RTL1: variants seen among roughly 807,000 people sequenced by gnomAD.
RTL1 encodes the protein retrotransposon Gag like 1.
For synonymous variants in RTL1, 727 were observed against 748.4 expected (o/e 0.97, Z 0.47); for missense variants, 1,681 against 1,767.5 (o/e 0.95, Z 0.88).
chr14:100,900,243 C>T (rs1040723425), intron 2 of RTL1, among the ~76,000 whole-genome samples: 15 of 152,218 alleles, frequency 9.9e-5, no homozygotes, highest in Admixed American at 5.2e-4. Context: ...TCTGGCCAAA[C>T]CTGACTTCTC....
intron 2 of RTL1, among the ~76,000 whole-genome samples, chr14:100,900,230 AC>A (rs917537879): frequency 6.6e-6 from 1 of 152,168 alleles, no homozygotes; most frequent in African/African-American, 2.4e-5. Flanking sequence ...TCCTGGAAAA[AC>A]TTCTGGCCAA....
At chr14:100,886,211 C>A (rs2038695694) in intron 3 of RTL1, among the ~76,000 whole-genome samples, 2 of 146,402 alleles carry the variant, frequency 1.4e-5, no homozygotes, top group South Asian at 4.2e-4. Flanking sequence ...CTGGACCCAT[C>A]CGTAAAAAAA....
chr14:100,897,771 T>TGGGGGGG (rs1566760912), intron 2 of RTL1: 2 of 23,144 alleles, frequency 8.6e-5, no homozygotes, highest in Non-Finnish European at 1.7e-4. Context: ...GGTGGGGGGG[T>TGGGGGGG]GGGGGGCGGG....
Position 100,881,021 on chromosome 14 carries a change from C to T in RTL1, c.3768G>A (p.Ser1256=), listed in dbSNP as rs769592859. 44 of 1,592,172 alleles carry T rather than the reference C, an allele frequency of 2.8e-5. No homozygotes were observed. Among genetic ancestry groups the T allele is most frequent in the Middle Eastern group, 3.3e-4 (2 of 6,036 alleles). The change falls in exon 4 of 4, where the codon TCG becomes TCA. Residue 1256 remains serine (S), a synonymous_variant. Coordinates refer to ENST00000649591, the MANE Select transcript of RTL1 (RefSeq NM_001134888.3). The surrounding 1 kb of genome is among the most constrained non-coding windows in gnomAD (Gnocchi z 6.6). Reference sequence around the variant, plus strand: ...GCACGTCGTTGTCCTGCTTGTCCTGCGAGGTGTCTTGCAGGCCGTCATGCA... The same window carrying T: ...GCACGTCGTTGTCCTGCTTGTCCTGTGAGGTGTCTTGCAGGCCGTCATGCA... ...CGLHDGLQDT[S]QDKQDNDVQE... is the part of the protein sequence containing the mutation.
In RTL1 at chr14:100,881,373, G is replaced by A. The variant is rs769801673; in HGVS notation, c.3416C>T (p.Thr1139Met). 24 of 1,550,536 alleles carry A rather than the reference G, an allele frequency of 1.5e-5. No individual in the cohort carries two copies. Among genetic ancestry groups the A allele is most frequent in the South Asian group, 8.3e-5 (7 of 84,068 alleles). The part of the protein sequence containing the change: ...DSSLIAGSSI[T>M]TAITQLLTQM... ...GGTGAGCAGCTGGGTGATGGCTGTC[G>A]TGATGCTGCTGCCTGCGATGAGGGA... Residue 1139 changes from threonine (T) to methionine (M), a missense_variant, in exon 4 of 4, where the codon ACG (threonine) becomes ATG (methionine). Coordinates refer to ENST00000649591, the MANE Select transcript of RTL1 (RefSeq NM_001134888.3). This position sits in a 1 kb window ranked among gnomAD's most constrained non-coding sequence, Gnocchi z 6.6.
Position 100,882,152 on chromosome 14 carries a change from G to A in RTL1, c.2637C>T (p.Thr879=), listed in dbSNP as rs547892982. ...PKPQNPFYLE[T]GVTGTALHAS... ...CGTGCAGGGCCGTGCCGGTGACGCCGGTTTCCAAGTAGAATGGGTTCTGGG... is the reference window on the plus strand; with the variant it reads ...CGTGCAGGGCCGTGCCGGTGACGCCAGTTTCCAAGTAGAATGGGTTCTGGG... Residue 879 remains threonine (T), a synonymous_variant, in exon 4 of 4, where the codon ACC becomes ACT. Coordinates refer to ENST00000649591, the MANE Select transcript of RTL1 (RefSeq NM_001134888.3). The A allele has an allele frequency of 1.2e-4, 184 of 1,550,956 alleles. No individual in the cohort carries two copies. The highest frequency in any genetic ancestry group is 1.2e-3 in the Middle Eastern group (7 of 5,992).
Position 100,881,654 on chromosome 14 carries a change from G to A in RTL1, c.3135C>T (p.Ile1045=). The A allele has an allele frequency of 6.4e-7, 1 of 1,552,444 alleles. No individual in the cohort carries two copies. The highest frequency in any genetic ancestry group is 8.7e-7 in the Non-Finnish European group (1 of 1,147,318). Reference sequence around the variant, plus strand: ...TCATGGCCAGCAGCTCTTGCCGTAGGATCTGTTCATTGAGCTCATCCTGTT... The same window carrying A: ...TCATGGCCAGCAGCTCTTGCCGTAGAATCTGTTCATTGAGCTCATCCTGTT... ...NEEQDELNEQ[I]LRQELLAMIP... The change falls in exon 4 of 4, where the codon ATC becomes ATT. Residue 1045 remains isoleucine (I), a synonymous_variant. Transcript: ENST00000649591. The surrounding 1 kb of genome is among the most constrained non-coding windows in gnomAD (Gnocchi z 6.6).
At chr14:100,898,255 C>T (rs566957061) in intron 2 of RTL1, among the ~76,000 whole-genome samples, 7 of 152,226 alleles carry the variant, frequency 4.6e-5, no homozygotes, top group Admixed American at 1.3e-4. Context: ...TGTCACAAAT[C>T]GAGGTTTTAA....
Position 100,881,065 on chromosome 14 carries a change from G to T in RTL1, c.3724C>A (p.Arg1242Ser), listed in dbSNP as rs765417912. ...TCATGCAGGCCACACTGACGGTAACGTTGCAGGTCGTCTTGCAGGGCTTCT... is the reference window on the plus strand; with the variant it reads ...TCATGCAGGCCACACTGACGGTAACTTTGCAGGTCGTCTTGCAGGGCTTCT... ...LREALQDDLQ[R>S]YRQCGLHDGL... The change falls in exon 4 of 4, where the codon CGT becomes AGT. Residue 1242 changes from arginine to serine, a missense_variant. Physicochemically the swap from Arg to Ser is moderately radical, Grantham distance 110 (BLOSUM62 -1). Transcript: ENST00000649591. The surrounding 1 kb of genome is among the most constrained non-coding windows in gnomAD (Gnocchi z 6.6). 6.2e-6 allele frequency: 10 copies of T among 1,602,994 alleles called. No individual in the cohort carries two copies. The highest frequency in any genetic ancestry group is 8.5e-6 in the Non-Finnish European group (10 of 1,174,962).
Position 100,884,332 on chromosome 14 carries a change from G to T in RTL1, c.457C>A (p.Gln153Lys). The change falls in exon 4 of 4, where the codon CAA becomes AAA. Residue 153 changes from glutamine (Q) to lysine (K), a missense_variant. Coordinates refer to ENST00000649591, the MANE Select transcript of RTL1 (RefSeq NM_001134888.3). ...ESGREETPQE[Q>K]NQTEHSTAEL... is the part of the protein sequence containing the mutation. ...GCGGTTGAGTGCTCGGTCTGGTTTT[G>T]CTCTTGAGGAGTCTCCTCCCTTCCC... 6 of 1,463,274 alleles carry T rather than the reference G, an allele frequency of 4.1e-6. No individual in the cohort carries two copies. The highest frequency in any genetic ancestry group is 5.6e-6 in the Non-Finnish European group (6 of 1,068,478). The allele number at this position is 1,463,274 out of a possible 1,614,324, so 90.6% of individuals were successfully genotyped here. A position where few individuals can be genotyped will look rare whatever the true frequency, so the allele number is the denominator to read the frequency against.
At chr14:100,894,341 A>G (rs1595342629) in intron 2 of RTL1, among the ~76,000 whole-genome samples, 1 of 150,462 alleles carries the variant, frequency 6.6e-6, no homozygotes, top group Non-Finnish European at 1.5e-5. Flanking sequence ...AAAAAAGAAA[A>G]GAAAAAAACG....
At position 100,883,732 on chromosome 14, in the gene RTL1, G is replaced by A; in HGVS notation, c.1057C>T (p.Leu353Phe). The part of the protein sequence containing the change: ...QPDSLDSLIV[L>F]ILQIEEKLAE... ...AGCTTCTCTTCTATTTGCAGGATGA[G>A]CACAATCAGACTGTCTAGGGAATCC... is the stretch of plus-strand genomic sequence containing the variant. The change falls in exon 4 of 4, where the codon CTC becomes TTC. Residue 353 changes from leucine to phenylalanine, a missense_variant. By Grantham distance (22) the Leu-to-Phe change is conservative. Coordinates refer to ENST00000649591, the MANE Select transcript of RTL1 (RefSeq NM_001134888.3). This position sits in a 1 kb window ranked among gnomAD's most constrained non-coding sequence, Gnocchi z 5.9. The A allele has an allele frequency of 6.4e-7, 1 of 1,551,632 alleles. No homozygotes were observed. The highest frequency in any genetic ancestry group is 1.2e-5 in the South Asian group (1 of 84,056).
intron 3 of RTL1, among the ~76,000 whole-genome samples, chr14:100,888,061 A>G (rs545452300): frequency 1.3e-5 from 2 of 152,086 alleles, no homozygotes; most frequent in Non-Finnish European, 2.9e-5. Context: ...TTCTCTGGAG[A>G]CAAAACCCTC....
At position 100,880,687 on chromosome 14, in the gene RTL1, CTT is replaced by C. The variant is rs1395261720; in HGVS notation, c.*23_*24del. On this transcript the variant is annotated 3_prime_UTR_variant, in exon 4 of 4. Transcript: ENST00000649591. ...GTTGGGGTGAGAAATAGAGGGGACT[CTT>C]TGCTGGAGACAGGGAGGCGTCTTCA... is the stretch of plus-strand genomic sequence containing the variant. The C allele has an allele frequency of 8.4e-6, 13 of 1,546,878 alleles. No homozygotes were observed. Among genetic ancestry groups the C allele is most frequent in the Admixed American group, 2.0e-5 (1 of 50,614 alleles).
chr14:100,896,381 G>A (rs184751411), intron 2 of RTL1, among the ~76,000 whole-genome samples: 8 of 152,232 alleles, frequency 5.3e-5, no homozygotes, highest in African/African-American at 9.6e-5. Flanking sequence ...TGATCTGTGC[G>A]GATGGAGACT....
Position 100,882,128 on chromosome 14 carries a change from G to C in RTL1, c.2661C>G (p.His887Gln). The stretch of plus-strand genomic sequence containing the variant: ...GGTCGTCGATTTGGATCAGGGAGGC[G>C]TGCAGGGCCGTGCCGGTGACGCCGG... ...LETGVTGTAL[H>Q]ASLIQIDDQT... Residue 887 changes from histidine (H) to glutamine (Q), a missense_variant, in exon 4 of 4, where the codon CAC (histidine) becomes CAG (glutamine). His to Gln is a conservative substitution (Grantham distance 24). Coordinates refer to ENST00000649591, the MANE Select transcript of RTL1 (RefSeq NM_001134888.3). 1 of 1,554,442 alleles carries C rather than the reference G, an allele frequency of 6.4e-7. No individual in the cohort carries two copies. The highest frequency in any genetic ancestry group is 1.4e-5 in the African/African-American group (1 of 73,314).
intron 2 of RTL1, chr14:100,897,878 A>T: frequency 2.0e-6 from 1 of 492,386 alleles, no homozygotes; most frequent in Non-Finnish European, 4.1e-6. Flanking sequence ...TTATAAATGA[A>T]TATATGAGTG....
At chr14:100,897,676 C>T (rs993640810) in intron 2 of RTL1, 29 of 176,076 alleles carry the variant, frequency 1.6e-4, no homozygotes, top group Non-Finnish European at 3.1e-4. Context: ...CAGTATCCTG[C>T]GAGCTGTACA....
chr14:100,903,157 C>T (rs147729385), intron 2 of RTL1, among the ~76,000 whole-genome samples, 134 bp downstream of exon 2: 3 of 152,232 alleles, frequency 2.0e-5, no homozygotes, highest in South Asian at 2.1e-4. Context: ...CAGTTTTTCC[C>T]GGCGGCTTCC....
Sources: gnomAD v4.1 joint callset for allele counts (sites outside exome capture counted in the v4.1 genomes callset) on GRCh38, gnomAD v4.1.1 for gene constraint, Gnocchi (gnomAD v3.1) non-coding constraint, MANE v1.5 for transcripts, NCBI Gene and HGNC (gene_info 2026-07-23, HGNC 2026-07-21) for gene names.